The following CEP112 variants were observed in gnomAD, a reference collection of about 807,000 sequenced individuals.
CEP112 encodes centrosomal protein 112.
Under a neutral mutation model 153.0 loss-of-function variants are expected in CEP112, and 127 were observed. That is an observed-to-expected ratio of 0.83 (90% CI 0.72 to 0.96). The LOEUF (loss-of-function observed/expected upper bound fraction) is 0.96. CEP112 is among the 40% of genes least tolerant of loss of function. The pLI is 0.00. For synonymous variants in CEP112, 358 were observed against 374.4 expected (o/e 0.96, Z 0.51); for missense variants, 1,089 against 1,101.2 (o/e 0.99, Z 0.16).
chr17:65,967,346 T>C (rs530197070), intron 17 of CEP112, among the ~76,000 whole-genome samples: 1 of 152,314 alleles, frequency 6.6e-6, no homozygotes, highest in Non-Finnish European at 1.5e-5. Context: ...GAATCATAAT[T>C]CAAAAGAACT....
Position 65,842,698 on chromosome 17 carries a change from T to C in CEP112, c.2394+9106A>G, listed in dbSNP as rs996408519. On this transcript the variant is annotated intron_variant, in intron 21 of 26. Coordinates refer to ENST00000535342, the MANE Select transcript of CEP112 (RefSeq NM_001199165.4). ...GTGGACTCACTGTGATACGAGTGCC[T>C]CACATACAAACCAGATAAAGTAGGA... 8.5e-5 allele frequency among the ~76,000 whole-genome samples: 13 copies of C among 152,248 alleles called. No individual in the cohort carries two copies. The South Asian group carries it at 2.7e-3, about 32-fold the overall frequency.
chr17:65,859,852 CA>C (rs573790538), intron 20 of CEP112, among the ~76,000 whole-genome samples: 42,910 of 100,354 alleles, frequency 0.43, 7,165 homozygotes, highest in Middle Eastern at 0.58. Flanking sequence ...ACTAAAAATA[CA>C]AAAAAAAAAA....
intron 18 of CEP112, among the ~76,000 whole-genome samples, chr17:65,946,597 T>A (rs1277312657): frequency 1.3e-5 from 2 of 152,202 alleles, no homozygotes; most frequent in African/African-American, 4.8e-5. Flanking sequence ...TCTGATAACA[T>A]AAGTTCTCCA....
chr17:66,008,175 T>C (rs766906409), intron 16 of CEP112, among the ~76,000 whole-genome samples: 8 of 152,312 alleles, frequency 5.3e-5, no homozygotes, highest in Non-Finnish European at 7.3e-5. Context: ...GTGTGAAGTT[T>C]TGATATATGT....
At chr17:65,719,445 G>C (rs1271349802) in intron 23 of CEP112, among the ~76,000 whole-genome samples, 1 of 152,128 alleles carries the variant, frequency 6.6e-6, no homozygotes, top group African/African-American at 2.4e-5. Flanking sequence ...AGCCCGGCGT[G>C]GTGGTGGCCA....
At chr17:65,665,647 A>T (rs926879310) in intron 24 of CEP112, among the ~76,000 whole-genome samples, 7 of 152,198 alleles carry the variant, frequency 4.6e-5, no homozygotes, top group Non-Finnish European at 7.3e-5. Context: ...AGAGTTAAAA[A>T]ATGGAGAGAG....
chr17:65,806,001 A>AT (rs2055576271), intron 21 of CEP112, among the ~76,000 whole-genome samples: 1 of 152,158 alleles, frequency 6.6e-6, no homozygotes. Context: ...ATATTTTATT[A>AT]TTTTGTCCTA....
At chr17:65,943,032 T>G (rs576690408) in intron 18 of CEP112, among the ~76,000 whole-genome samples, 2 of 152,336 alleles carry the variant, frequency 1.3e-5, no homozygotes, top group African/African-American at 4.8e-5. Flanking sequence ...TACATAGATA[T>G]GAATAGATAG....
At chr17:66,022,534 C>T (rs1456770699) in intron 16 of CEP112, among the ~76,000 whole-genome samples, 2 of 151,744 alleles carry the variant, frequency 1.3e-5, no homozygotes, top group South Asian at 2.1e-4. Flanking sequence ...TGGTGAAACC[C>T]GTCTCTACTA....
At chr17:65,820,755 C>A (rs1442993132) in intron 21 of CEP112, among the ~76,000 whole-genome samples, 1 of 151,898 alleles carries the variant, frequency 6.6e-6, no homozygotes, top group Non-Finnish European at 1.5e-5. Flanking sequence ...AAATAACAGG[C>A]CTAAATTTAT....
rs374664364 is a variant in CEP112 at position 66,182,968 on chromosome 17, T to C, written c.106+226A>G. On this transcript the variant is annotated intron_variant, in intron 2 of 26. Coordinates refer to ENST00000535342, the MANE Select transcript of CEP112 (RefSeq NM_001199165.4). ...ATCCATGTGCTATAAGTTCATGACATGTGAGACGAGGCATCACAATAAGAT... is the reference window on the plus strand; with the variant it reads ...ATCCATGTGCTATAAGTTCATGACACGTGAGACGAGGCATCACAATAAGAT... Among the ~76,000 whole-genome samples, 29 of 152,320 alleles carry C rather than the reference T, an allele frequency of 1.9e-4. No individual in the cohort carries two copies. In the East Asian group the frequency reaches 5.6e-3, roughly 29 times the overall value.
At chr17:65,711,837 TTC>T (rs772767380) in intron 23 of CEP112, among the ~76,000 whole-genome samples, 42 of 152,210 alleles carry the variant, frequency 2.8e-4, no homozygotes, top group Non-Finnish European at 5.1e-4. Context: ...AGATTCCACT[TTC>T]TGTTTCAGGT....
intron 21 of CEP112, among the ~76,000 whole-genome samples, chr17:65,817,039 T>C (rs1175581450): frequency 1.3e-5 from 2 of 152,012 alleles, no homozygotes; most frequent in African/African-American, 2.4e-5. Flanking sequence ...GCCAAATAAG[T>C]ATCTGTGAAA....
At chr17:66,090,986 C>T (rs1392569569) in intron 8 of CEP112, among the ~76,000 whole-genome samples, 2 of 151,820 alleles carry the variant, frequency 1.3e-5, no homozygotes. Flanking sequence ...AAGGATATAC[C>T]AATTATAAAT....
At chr17:66,169,572 C>T (rs928959431) in intron 4 of CEP112, among the ~76,000 whole-genome samples, 15 of 152,092 alleles carry the variant, frequency 9.9e-5, no homozygotes, top group African/African-American at 3.6e-4. Context: ...GCATAAGCCA[C>T]CGCACCCGGC....
At chr17:65,905,870 G>A (rs1344313721) in intron 19 of CEP112, among the ~76,000 whole-genome samples, 4 of 152,000 alleles carry the variant, frequency 2.6e-5, no homozygotes, top group Non-Finnish European at 4.4e-5. Context: ...GCATGAACCC[G>A]GGGGGCGGAG....
chr17:66,138,975 T>G (rs1361459634), intron 4 of CEP112, among the ~76,000 whole-genome samples: 2 of 151,756 alleles, frequency 1.3e-5, no homozygotes, highest in Non-Finnish European at 2.9e-5. Context: ...TAGGATTCAG[T>G]GAAAGCAGTG....
chr17:65,786,274 C>A (rs572702075), intron 21 of CEP112, among the ~76,000 whole-genome samples: 1 of 151,812 alleles, frequency 6.6e-6, no homozygotes, highest in South Asian at 2.1e-4. Context: ...TTATATCCTG[C>A]AACCTTGGTA....
At chr17:66,167,231 T>C (rs762300877) in intron 4 of CEP112, among the ~76,000 whole-genome samples, 2 of 152,034 alleles carry the variant, frequency 1.3e-5, no homozygotes, top group Non-Finnish European at 2.9e-5. Context: ...GGATTAGTAA[T>C]TAGGGAAGCA....
Sources: gnomAD v4.1 joint callset for allele counts (sites outside exome capture counted in the v4.1 genomes callset) on GRCh38, gnomAD v4.1.1 for gene constraint, MANE v1.5 for transcripts, NCBI Gene and HGNC (gene_info 2026-07-23, HGNC 2026-07-21) for gene names.